Variants in PRKCB observed in about 807,000 individuals in gnomAD.
PRKCB encodes protein kinase C beta type.
Under a neutral mutation model 81.5 loss-of-function variants are expected in PRKCB, and 13 were observed. That is an observed-to-expected ratio of 0.16 (90% CI 0.10 to 0.25). The LOEUF is 0.25. Among genes scored for constraint, PRKCB ranks in the 10% least tolerant of loss-of-function variants. The pLI is 1.00. For missense variants in PRKCB, 509 were observed against 875.7 expected (o/e 0.58, Z 5.29); for synonymous variants, 335 against 321.4 (o/e 1.04, Z -0.45).
intron 2 of PRKCB, among the ~76,000 whole-genome samples, chr16:23,926,489 A>G (rs1229844118): frequency 6.6e-6 from 1 of 151,780 alleles, no homozygotes; most frequent in Non-Finnish European, 1.5e-5. Flanking sequence ...TTCAAAAAAA[A>G]TAAATAATAA....
intron 3 of PRKCB, among the ~76,000 whole-genome samples, chr16:24,007,124 A>G (rs563805191): frequency 6.6e-6 from 1 of 152,310 alleles, no homozygotes; most frequent in South Asian, 2.1e-4. Flanking sequence ...ATCTTGGGCT[A>G]GTTACCTAAC....
rs967874802 is a variant in PRKCB, at chr16:23,927,892, T to C, written c.206-60616T>C. Reference sequence around the variant, plus strand: ...TCCAAATGGCACAGACCAGTTGGCGTGTGGATATCTTGGGGCTTAGGGCGT... The same window carrying C: ...TCCAAATGGCACAGACCAGTTGGCGCGTGGATATCTTGGGGCTTAGGGCGT... On this transcript the variant is annotated intron_variant, in intron 2 of 16. Coordinates refer to ENST00000643927, the MANE Select transcript of PRKCB (RefSeq NM_002738.7). Among the ~76,000 whole-genome samples the C allele has an allele frequency of 4.0e-5, 6 of 151,846 alleles. No individual in the cohort carries two copies. The East Asian group carries it at 9.7e-4, about 24-fold the overall frequency.
At chr16:23,989,371 C>T (rs1460595444) in intron 3 of PRKCB, among the ~76,000 whole-genome samples, 4 of 152,142 alleles carry the variant, frequency 2.6e-5, no homozygotes, top group Admixed American at 6.5e-5. Context: ...AGGCGTGAGC[C>T]AGTGCACCCT....
chr16:24,101,139 T>C (rs1019308363), intron 7 of PRKCB, among the ~76,000 whole-genome samples: 2 of 152,250 alleles, frequency 1.3e-5, no homozygotes, highest in African/African-American at 4.8e-5. Context: ...TACATGTCTC[T>C]GGAGCCAGAA....
At chr16:23,999,348 G>T (rs150587854) in intron 3 of PRKCB, among the ~76,000 whole-genome samples, 1 of 152,230 alleles carries the variant, frequency 6.6e-6, no homozygotes, top group African/African-American at 2.4e-5. Context: ...TCCAAGCCCA[G>T]TCTGAGCCAG....
chr16:24,099,328 T>C (rs948313786), intron 7 of PRKCB: 1 of 152,246 alleles, frequency 6.6e-6, no homozygotes, highest in African/African-American at 2.4e-5. Context: ...CTTTCTGAGC[T>C]TCACTGTTTC....
chr16:24,064,591 T>C (rs1966010221), intron 5 of PRKCB, among the ~76,000 whole-genome samples: 1 of 152,156 alleles, frequency 6.6e-6, no homozygotes, highest in Non-Finnish European at 1.5e-5. Flanking sequence ...TAAATTAGTT[T>C]CGTTAGTTGT....
intron 2 of PRKCB, among the ~76,000 whole-genome samples, chr16:23,948,981 G>A (rs529326164): frequency 7.2e-5 from 11 of 152,280 alleles, no homozygotes; most frequent in East Asian, 5.8e-4. Flanking sequence ...GGCTGGGCAC[G>A]CCTGTTGGTT....
intron 9 of PRKCB, among the ~76,000 whole-genome samples, chr16:24,126,223 G>C (rs1966844029): frequency 1.3e-5 from 2 of 149,184 alleles, no homozygotes; most frequent in Admixed American, 6.8e-5. Context: ...AGGGAGTTTA[G>C]AAGTCTAAGG....
chr16:24,092,901 A>G lies in PRKCB; in HGVS notation c.640A>G (p.Thr214Ala), dbSNP rs773891890. 1 of 1,614,128 alleles carries G rather than the reference A, an allele frequency of 6.2e-7. No individual in the cohort carries two copies. The highest frequency in any genetic ancestry group is 8.5e-7 in the Non-Finnish European group (1 of 1,180,036). Residue 214 changes from threonine to alanine, a missense_variant, in exon 6 of 17, where the codon ACC becomes GCC. Physicochemically the swap from Thr to Ala is moderately conservative, Grantham distance 58. Transcript: ENST00000643927. ...PKSESKQKTK[T>A]IKCSLNPEWN... ...AAGTGAGAGCAAACAGAAGACCAAA[A>G]CCATCAAATGCTCCCTCAACCCTGA...
intron 16 of PRKCB, among the ~76,000 whole-genome samples, chr16:24,202,880 C>T (rs987971730): frequency 1.3e-5 from 2 of 152,128 alleles, no homozygotes; most frequent in African/African-American, 4.8e-5. Context: ...ATTTTTATGA[C>T]ATTGTGTGTC....
chr16:24,026,784 G>A (rs529259346), intron 3 of PRKCB, among the ~76,000 whole-genome samples: 7 of 152,298 alleles, frequency 4.6e-5, no homozygotes, highest in South Asian at 2.1e-4. Flanking sequence ...ACCCAGTAGC[G>A]TCCTGGGAGA....
At chr16:24,096,662 A>ATATATAT (rs1403282872) in intron 7 of PRKCB, among the ~76,000 whole-genome samples, 35 of 40,376 alleles carry the variant, frequency 8.7e-4, no homozygotes, top group South Asian at 3.4e-3. Flanking sequence ...CAAAAAAAAA[A>ATATATAT]AAAAATATAT....
Position 23,855,480 on chromosome 16 carries a change from G to A in PRKCB, c.205+18074G>A, listed in dbSNP as rs183174013. On this transcript the variant is annotated intron_variant, in intron 2 of 16. Transcript: ENST00000643927. ...AAACAAAAATGAAAACAAAAATCAT[G>A]TGATTGCTTATTAAATGTTAGTTAT... 1.4e-4 allele frequency among the ~76,000 whole-genome samples: 21 copies of A among 152,300 alleles called. No individual in the cohort carries two copies. The East Asian group carries it at 3.7e-3, about 27-fold the overall frequency.
chr16:24,100,182 G>A (rs539678788), intron 7 of PRKCB, among the ~76,000 whole-genome samples: 24 of 152,106 alleles, frequency 1.6e-4, no homozygotes, highest in Non-Finnish European at 2.4e-4. Context: ...CCCAAAGAAA[G>A]GAGGCATAAC....
chr16:23,895,993 T>C (rs1346256601), intron 2 of PRKCB, among the ~76,000 whole-genome samples: 1 of 152,196 alleles, frequency 6.6e-6, no homozygotes, highest in Non-Finnish European at 1.5e-5. Flanking sequence ...TCAGCAAGTC[T>C]CATGGGAACC....
At chr16:24,214,468 C>G (rs764871129) in intron 16 of PRKCB, among the ~76,000 whole-genome samples, 190 bp from the exon 17 acceptor site, 1 of 152,074 alleles carries the variant, frequency 6.6e-6, no homozygotes, top group Non-Finnish European at 1.5e-5. Flanking sequence ...AGGTCGTGCA[C>G]CAAAGGTCAT....
intron 3 of PRKCB, among the ~76,000 whole-genome samples, chr16:23,994,402 C>T (rs1350725416): frequency 2.6e-5 from 4 of 152,170 alleles, no homozygotes; most frequent in Admixed American, 1.3e-4. Flanking sequence ...GTTCTTTGAC[C>T]TGTAGAGTGA....
At chr16:23,934,021 T>TCATCCATCCATCCATC (rs67394616) in intron 2 of PRKCB, among the ~76,000 whole-genome samples, 3,390 of 142,442 alleles carry the variant, frequency 0.024, 134 homozygotes, top group African/African-American at 0.074. Flanking sequence ...TTCTACCCAC[T>TCATCCATCCATCCATC]CATCCATCCA....
Sources: gnomAD v4.1 joint callset for allele counts (sites outside exome capture counted in the v4.1 genomes callset) on GRCh38, gnomAD v4.1.1 for gene constraint, MANE v1.5 for transcripts, NCBI Gene and HGNC (gene_info 2026-07-23, HGNC 2026-07-21) for gene names.